The following TENM1 variants were observed in gnomAD, a reference collection of about 807,000 sequenced individuals.
TENM1 encodes the protein teneurin transmembrane protein 1.
TENM1 carries 35 observed loss-of-function variants against 174.8 expected under a neutral mutation model. That is an observed-to-expected ratio of 0.20 (90% confidence interval 0.15 to 0.27). TENM1 has a LOEUF of 0.27. Ranked by LOEUF, TENM1 falls within the 10% of genes least tolerant of loss-of-function variation. The probability of loss-of-function intolerance (pLI) is 1.00; values close to 1 mark genes in which losing one functional copy is unlikely to be tolerated. For missense variants in TENM1, 1,633 were observed against 2,130.1 expected (o/e 0.77, Z 4.59); for synonymous variants, 781 against 798.7 (o/e 0.98, Z 0.37).
intron 22 of TENM1, 37 bp downstream of exon 25, chrX:124,481,695 G>GTATATATATATA (rs761348190): frequency 0.22 from 53,637 of 246,902 alleles, 5,927 homozygotes; most frequent in Non-Finnish European, 0.23. Context: ...TGACCCAAGG[G>GTATATATATATA]TATATATATA....
chrX:124,994,236 TTTG>T, the TENM1 span, among the ~76,000 whole-genome samples: 167 of 92,753 alleles, frequency 1.8e-3, no homozygotes, highest in Middle Eastern at 5.5e-3. Flanking sequence ...TTTTTTTTTT[TTTG>T]GCAATTGACC....
At chrX:124,583,575 A>T (rs1437840868) in intron 11 of TENM1, among the ~76,000 whole-genome samples, 1 of 110,790 alleles carries the variant, frequency 9.0e-6, no homozygotes, top group African/African-American at 3.3e-5. Flanking sequence ...ATAAAACCAC[A>T]AAGATGGGGA....
chrX:124,478,100 G>T lies in TENM1; in HGVS notation c.3949+3632C>A, dbSNP rs1338670148. ...TATTTTAATACATTAGAGCTGAAAGGGAGATCATCCTGACCCCTTCAGTTT... is the reference window on the plus strand; with the variant it reads ...TATTTTAATACATTAGAGCTGAAAGTGAGATCATCCTGACCCCTTCAGTTT... On this transcript the variant is annotated intron_variant, in intron 22 of 31. Transcript: ENST00000422452. Among the ~76,000 whole-genome samples, 5 of 112,172 alleles carry T rather than the reference G, an allele frequency of 4.5e-5. No individual in the cohort carries two copies. The East Asian group carries it at 1.4e-3, about 32-fold the overall frequency.
intron 3 of TENM1, among the ~76,000 whole-genome samples, chrX:124,794,914 T>C (rs2055270221): frequency 9.0e-6 from 1 of 111,259 alleles, no homozygotes; most frequent in Non-Finnish European, 1.9e-5. Context: ...GGAAAGGGTC[T>C]TCCTGCCCTC....
intron 17 of TENM1, among the ~76,000 whole-genome samples, chrX:124,522,953 G>A (rs749444271): frequency 1.8e-5 from 2 of 111,948 alleles, no homozygotes; most frequent in Non-Finnish European, 3.8e-5. Flanking sequence ...CTCCCAAAGT[G>A]CTGGGATTAC....
chrX:124,584,437 G>A (rs1311269267), intron 11 of TENM1, among the ~76,000 whole-genome samples: 1 of 110,360 alleles, frequency 9.1e-6, no homozygotes, highest in African/African-American at 3.4e-5. Flanking sequence ...GCAAAACTAA[G>A]CTTCATAAGT....
intron 3 of TENM1, among the ~76,000 whole-genome samples, chrX:124,797,039 T>C (rs1603208277): frequency 8.9e-6 from 1 of 112,012 alleles, no homozygotes; most frequent in South Asian, 3.7e-4. Context: ...TCTCTTTCCC[T>C]AGCCACTTCA....
At chrX:125,091,326 C>A in the TENM1 span, among the ~76,000 whole-genome samples, 17 of 111,380 alleles carry the variant, frequency 1.5e-4, no homozygotes, top group Admixed American at 1.3e-3. Flanking sequence ...AGAACCTAAT[C>A]ATCTAATTTG....
the TENM1 span, among the ~76,000 whole-genome samples, chrX:125,108,696 CA>C: frequency 1.0e-3 from 109 of 105,362 alleles, no homozygotes; most frequent in African/African-American, 3.5e-3. Flanking sequence ...GACTCTGTCT[CA>C]AAAAAAAGGG....
Position 124,585,775 on chromosome X carries a change from C to T in TENM1, c.2078-20215G>A, listed in dbSNP as rs775077664. ...TGGTTTTTTGAAAGGATCAACAAAA[C>T]TGATAGACCGCTAGCCAGACTAATA... On this transcript the variant is annotated intron_variant, in intron 11 of 31. Transcript: ENST00000422452. 3.8e-3 allele frequency among the ~76,000 whole-genome samples: 426 copies of T among 111,343 alleles called. 1 individual carries two copies. The highest frequency in any genetic ancestry group is 0.013 in the African/African-American group (392 of 30,554).
chrX:124,732,479 T>G (rs757470206), intron 4 of TENM1, among the ~76,000 whole-genome samples: 2 of 111,793 alleles, frequency 1.8e-5, no homozygotes, highest in Non-Finnish European at 3.8e-5. Flanking sequence ...GATGGCCATG[T>G]TGTTTATTTT....
chrX:124,914,977 A>T (rs1194439142), intron 1 of TENM1, among the ~76,000 whole-genome samples: 6 of 111,778 alleles, frequency 5.4e-5, no homozygotes, highest in African/African-American at 2.0e-4. Context: ...TGCAACATGT[A>T]CTTCTTCCAG....
chrX:124,392,181 T>A (rs2076165), exon 28 of TENM1: 1 of 1,210,767 alleles, frequency 8.3e-7, no homozygotes, highest in East Asian at 3.0e-5. Flanking sequence ...ATCCCGAAGG[T>A]GAATATGTGA....
chrX:124,582,701 C>G (rs934080066), intron 11 of TENM1, among the ~76,000 whole-genome samples: 4 of 111,828 alleles, frequency 3.6e-5, no homozygotes, highest in Non-Finnish European at 7.5e-5. Context: ...GTGGGTGCAG[C>G]ACACCGTGTG....
At chrX:125,012,250 T>C in the TENM1 span, among the ~76,000 whole-genome samples, 8 of 111,641 alleles carry the variant, frequency 7.2e-5, no homozygotes, top group South Asian at 3.0e-3. Flanking sequence ...GCTTAAAACC[T>C]ACATGACGGA....
chrX:124,920,187 T>C (rs1255346008), intron 1 of TENM1, among the ~76,000 whole-genome samples: 2 of 111,968 alleles, frequency 1.8e-5, no homozygotes, highest in Non-Finnish European at 3.8e-5. Flanking sequence ...TCATTGTTTT[T>C]ATTTATTGTT....
the TENM1 span, among the ~76,000 whole-genome samples, chrX:125,045,929 AC>A: frequency 8.9e-6 from 1 of 112,121 alleles, no homozygotes; most frequent in Non-Finnish European, 1.9e-5. Flanking sequence ...TTTTTCATCT[AC>A]AAACACTAGA....
At chrX:124,653,930 C>A in intron 6 of TENM1, 147 bp from the exon 10 acceptor site, 1 of 488,916 alleles carries the variant, frequency 2.0e-6, no homozygotes, top group South Asian at 3.4e-5. Flanking sequence ...AGGCCTTGCC[C>A]AAATTAAATA....
At chrX:125,111,738 T>G in the TENM1 span, among the ~76,000 whole-genome samples, 2 of 111,892 alleles carry the variant, frequency 1.8e-5, no homozygotes, top group East Asian at 5.6e-4. Flanking sequence ...GGAATAGTTT[T>G]AGAGTCAACA....
Sources: gnomAD v4.1 joint callset for allele counts (sites outside exome capture counted in the v4.1 genomes callset) on GRCh38, gnomAD v4.1.1 for gene constraint, MANE v1.5 for transcripts, NCBI Gene and HGNC (gene_info 2026-07-23, HGNC 2026-07-21) for gene names.